Variants in CFAP20DC observed in about 807,000 individuals in gnomAD.
CFAP20DC encodes CFAP20 domain containing, also known as protein CFAP20DC.
A neutral mutation model predicts 101.7 loss-of-function variants in CFAP20DC; 84 were observed. The ratio of observed to expected loss-of-function variants is 0.83; its 90% CI spans 0.69 to 0.99. CFAP20DC has a LOEUF of 0.99. Ranked by LOEUF, CFAP20DC falls within the 50% of genes least tolerant of loss-of-function variation. CFAP20DC has a pLI of 0.00. For synonymous variants in CFAP20DC, 359 were observed against 351.2 expected (o/e 1.02, Z -0.25); for missense variants, 1,007 against 970.3 (o/e 1.04, Z -0.50).
In CFAP20DC at chr3:58,795,326, G is replaced by A. The variant is rs1299166507; in HGVS notation, c.2237+11069C>T. Among the ~76,000 whole-genome samples, 1 of 152,164 alleles carries A rather than the reference G, an allele frequency of 6.6e-6. No individual in the cohort carries two copies. Among genetic ancestry groups the A allele is most frequent in the African/African-American group, 2.4e-5 (1 of 41,438 alleles). On this transcript the variant is annotated intron_variant, in intron 15 of 16. Coordinates refer to ENST00000482387, the MANE Select transcript of CFAP20DC (RefSeq NM_001394063.1). This position sits in a 1 kb window ranked among gnomAD's most constrained non-coding sequence, Gnocchi z 4.2. ...AGGCTTCAGTAATCTCAGGAGCCCC[G>A]CTCTCCACTGGTTAAAGATGTCAAG...
chr3:58,808,924 G>C (rs184306372), intron 14 of CFAP20DC, among the ~76,000 whole-genome samples: 1 of 152,050 alleles, frequency 6.6e-6, no homozygotes, highest in Admixed American at 6.5e-5. Flanking sequence ...CCTAGTCTCT[G>C]ACAAAACAGA....
downstream of CFAP20DC, among the ~76,000 whole-genome samples, chr3:58,738,809 C>A (rs1016910896): frequency 6.6e-6 from 1 of 152,310 alleles, no homozygotes; most frequent in East Asian, 1.9e-4. The surrounding 1 kb of genome is among the most constrained non-coding windows in gnomAD (Gnocchi z 4.4). Context: ...GTTTGACAGT[C>A]ACAGGGTGTA....
intron 15 of CFAP20DC, among the ~76,000 whole-genome samples, chr3:58,784,406 C>G (rs1254665151): frequency 6.6e-6 from 1 of 151,968 alleles, no homozygotes; most frequent in Non-Finnish European, 1.5e-5. Flanking sequence ...GTTAAAAAAA[C>G]TATTGAGTTC....
At chr3:58,890,140 C>T (rs2082034241) in intron 6 of CFAP20DC, among the ~76,000 whole-genome samples, 5 of 150,432 alleles carry the variant, frequency 3.3e-5, no homozygotes, top group Admixed American at 6.6e-5. Flanking sequence ...CGGGCAGAGG[C>T]GCCCCTCACC....
intron 4 of CFAP20DC, among the ~76,000 whole-genome samples, chr3:59,028,077 C>A (rs929763382): frequency 7.9e-5 from 12 of 152,206 alleles, no homozygotes; most frequent in African/African-American, 2.9e-4. Context: ...GCTCATCATT[C>A]TATGTGTTAG....
intron 15 of CFAP20DC, among the ~76,000 whole-genome samples, chr3:58,789,424 T>C (rs1462767779): frequency 6.6e-6 from 1 of 152,192 alleles, no homozygotes; most frequent in Non-Finnish European, 1.5e-5. Flanking sequence ...TGTCAGATTA[T>C]CAGATACCTT....
At chr3:58,800,119 GT>G (rs1559606401) in intron 15 of CFAP20DC, among the ~76,000 whole-genome samples, 1 of 152,168 alleles carries the variant, frequency 6.6e-6, no homozygotes, top group East Asian at 1.9e-4. Context: ...GCGTAATTTG[GT>G]CCTAAGGGCA....
At chr3:58,787,398 G>A (rs2072452399) in intron 15 of CFAP20DC, among the ~76,000 whole-genome samples, 1 of 150,712 alleles carries the variant, frequency 6.6e-6, no homozygotes, top group Non-Finnish European at 1.5e-5. Context: ...TAGATGACGA[G>A]TTAGTGGGTG....
chr3:59,029,668 T>C (rs2093953052), intron 4 of CFAP20DC, among the ~76,000 whole-genome samples: 1 of 152,130 alleles, frequency 6.6e-6, no homozygotes, highest in Non-Finnish European at 1.5e-5. Context: ...CTCAGTTCAA[T>C]GGGAACTTCA....
In CFAP20DC at chr3:58,899,445, G is replaced by A. The variant is rs886479519; in HGVS notation, c.550+14263C>T. 6.6e-6 allele frequency among the ~76,000 whole-genome samples: 1 copy of A among 152,224 alleles called. No individual in the cohort carries two copies. Among genetic ancestry groups the A allele is most frequent in the Non-Finnish European group, 1.5e-5 (1 of 68,042 alleles). ...TGTGGAAGGGGGGCCTGCAGAACAT[G>A]CTGCTTGGCTTCCGGGATTCAGTTC... On this transcript the variant is annotated intron_variant, in intron 6 of 16. Transcript: ENST00000482387. This position sits in a 1 kb window ranked among gnomAD's most constrained non-coding sequence, Gnocchi z 5.0.
chr3:58,950,902 T>C lies in CFAP20DC; in HGVS notation c.279-13140A>G, dbSNP rs919278069. ...AAAGCAATGGCAACAAAAGCCAAAA[T>C]TGACAAATGGGATCTAATTAAACTA... On this transcript the variant is annotated intron_variant, in intron 4 of 16. Coordinates refer to ENST00000482387, the MANE Select transcript of CFAP20DC (RefSeq NM_001394063.1). Among the ~76,000 whole-genome samples the C allele has an allele frequency of 2.6e-5, 4 of 152,098 alleles. No homozygotes were observed. The East Asian group carries it at 7.7e-4, about 29-fold the overall frequency.
intron 15 of CFAP20DC, among the ~76,000 whole-genome samples, chr3:58,762,205 A>G (rs1172301815): frequency 2.0e-5 from 3 of 152,040 alleles, no homozygotes; most frequent in Non-Finnish European, 4.4e-5. Flanking sequence ...GACTTGCTTT[A>G]TGAATCTGGG....
rs993239396 is a variant in CFAP20DC at position 58,869,657 on chromosome 3, T to C, written c.853-167A>G. Among the ~76,000 whole-genome samples the C allele has an allele frequency of 6.6e-5, 10 of 152,076 alleles. No homozygotes were observed. Among genetic ancestry groups the C allele is most frequent in the Non-Finnish European group, 1.3e-4 (9 of 68,014 alleles). On this transcript the variant is annotated intron_variant, in intron 8 of 16. Transcript: ENST00000482387. This position sits in a 1 kb window ranked among gnomAD's most constrained non-coding sequence, Gnocchi z 4.3. Reference sequence around the variant, plus strand: ...GGAAATTATTATAGGAAATTAGAAATGGAAGGAGAAAAATAACGAGATAAA... The same window carrying C: ...GGAAATTATTATAGGAAATTAGAAACGGAAGGAGAAAAATAACGAGATAAA...
At position 58,794,828 on chromosome 3, in the gene CFAP20DC, T is replaced by G. The variant is rs867885132; in HGVS notation, c.2237+11567A>C. Among the ~76,000 whole-genome samples, 12 of 152,304 alleles carry G rather than the reference T, an allele frequency of 7.9e-5. No individual in the cohort carries two copies. In the Middle Eastern group the frequency reaches 0.02, roughly 259 times the overall value. ...AGGCCACAAGCTCATTAAAGTCACATAGTAGGTACTTCAAAAATACTCATC... is the reference window on the plus strand; with the variant it reads ...AGGCCACAAGCTCATTAAAGTCACAGAGTAGGTACTTCAAAAATACTCATC... On this transcript the variant is annotated intron_variant, in intron 15 of 16. Transcript: ENST00000482387.
chr3:58,811,389 G>T (rs1318706088), intron 14 of CFAP20DC, among the ~76,000 whole-genome samples: 2 of 152,116 alleles, frequency 1.3e-5, no homozygotes, highest in South Asian at 4.2e-4. Flanking sequence ...AGAGCCCTCA[G>T]AAATAACGCC....
chr3:58,747,779 T>C (rs2068308678), intron 16 of CFAP20DC, among the ~76,000 whole-genome samples: 1 of 152,116 alleles, frequency 6.6e-6, no homozygotes, highest in Admixed American at 6.5e-5. Flanking sequence ...TATCTCACAG[T>C]AGGGCAAAAT....
chr3:58,744,371 G>T (rs769669988), intron 16 of CFAP20DC, among the ~76,000 whole-genome samples: 2 of 152,136 alleles, frequency 1.3e-5, no homozygotes, highest in Non-Finnish European at 2.9e-5. Context: ...AGTCTATTCA[G>T]TCGGACCTTG....
downstream of CFAP20DC, among the ~76,000 whole-genome samples, chr3:58,716,815 A>G (rs2067405664): frequency 6.6e-6 from 1 of 152,092 alleles, no homozygotes; most frequent in Non-Finnish European, 1.5e-5. Flanking sequence ...ACTCAAAGCT[A>G]GCAGCTTTTC....
Position 58,742,328 on chromosome 3 carries a change from T to C in CFAP20DC, c.*132A>G, listed in dbSNP as rs1369056558. 16 of 1,273,028 alleles carry C rather than the reference T, an allele frequency of 1.3e-5. No individual in the cohort carries two copies. The highest frequency in any genetic ancestry group is 1.6e-5 in the Non-Finnish European group (16 of 1,002,692). The allele number at this position is 1,273,028 out of a possible 1,614,324, so 78.9% of individuals were successfully genotyped here. ...TTAACGTTGAACATTATTTACAAAA[T>C]GAATTCGTTTCTCTCAGTTACTGTT... On this transcript the variant is annotated 3_prime_UTR_variant, in exon 17 of 17. Coordinates refer to ENST00000482387, the MANE Select transcript of CFAP20DC (RefSeq NM_001394063.1).
Sources: allele counts gnomAD v4.1 joint callset (sites outside exome capture counted in the v4.1 genomes callset), GRCh38; gene constraint gnomAD v4.1.1; non-coding constraint Gnocchi (gnomAD v3.1); transcripts MANE v1.5; gene names NCBI Gene and HGNC (gene_info 2026-07-23, HGNC 2026-07-21).